The following LDB2 variants were observed in gnomAD, a reference collection of about 807,000 sequenced individuals.
The protein encoded by LDB2 is LIM domain binding 2, also known as LIM domain-binding protein 2.
LDB2 carries 12 observed loss-of-function variants against 44.3 expected under a neutral mutation model. The observed-to-expected ratio is 0.27, with a 90% CI of 0.17 to 0.44. LDB2 has a LOEUF of 0.44. Ranked by LOEUF, LDB2 falls within the 20% of genes least tolerant of loss-of-function variation. The pLI, the probability that LDB2 is intolerant of heterozygous loss-of-function variation, is 1.00. For missense variants in LDB2, 344 were observed against 473.5 expected (o/e 0.73, Z 2.54); for synonymous variants, 164 against 174.8 (o/e 0.94, Z 0.49).
chr4:16,800,965 G>A (rs764060493), intron 1 of LDB2, among the ~76,000 whole-genome samples: 5 of 152,180 alleles, frequency 3.3e-5, no homozygotes, highest in Non-Finnish European at 5.9e-5. Context: ...GTGAGCCACC[G>A]CGCCCGGCCG....
At chr4:16,817,567 C>A (rs535595229) in intron 1 of LDB2, among the ~76,000 whole-genome samples, 1 of 152,272 alleles carries the variant, frequency 6.6e-6, no homozygotes, top group African/African-American at 2.4e-5. Flanking sequence ...CAGTAAAACC[C>A]AATCCTCTGA....
chr4:16,662,285 C>G (rs547089563), intron 2 of LDB2, among the ~76,000 whole-genome samples: 1 of 152,042 alleles, frequency 6.6e-6, no homozygotes, highest in Non-Finnish European at 1.5e-5. Flanking sequence ...TTGCTCCAAA[C>G]CCAACACAGA....
intron 2 of LDB2, among the ~76,000 whole-genome samples, chr4:16,618,000 TTC>T (rs1461835696): frequency 6.6e-6 from 1 of 152,012 alleles, no homozygotes. Flanking sequence ...GGATAATTCT[TTC>T]TTTTTTTGAG....
Position 16,853,981 on chromosome 4 carries a change from G to A in LDB2, c.132+44373C>T, listed in dbSNP as rs371012151. On this transcript the variant is annotated intron_variant, in intron 1 of 7. Coordinates refer to ENST00000304523, the MANE Select transcript of LDB2 (RefSeq NM_001290.5). Reference sequence around the variant, plus strand: ...AACAGTAGTTACCAGGGATAGCAGGGGGTGAGCGGGGAGGAAATGGGAAGA... The same window carrying A: ...AACAGTAGTTACCAGGGATAGCAGGAGGTGAGCGGGGAGGAAATGGGAAGA... Among the ~76,000 whole-genome samples, 10 of 152,164 alleles carry A rather than the reference G, an allele frequency of 6.6e-5. No homozygotes were observed. The East Asian group carries it at 1.7e-3, about 26-fold the overall frequency.
intron 5 of LDB2, among the ~76,000 whole-genome samples, chr4:16,550,913 C>G (rs1185576896): frequency 2.6e-5 from 4 of 152,080 alleles, no homozygotes; most frequent in African/African-American, 7.2e-5. Flanking sequence ...TAATACAACT[C>G]CTTGCTGTAC....
chr4:16,516,507 T>C (rs898949358), intron 5 of LDB2, among the ~76,000 whole-genome samples: 2 of 152,188 alleles, frequency 1.3e-5, no homozygotes, highest in African/African-American at 4.8e-5. Flanking sequence ...TTAAAAATGC[T>C]TTAAGTATAT....
chr4:16,762,059 G>A (rs779034182), intron 1 of LDB2, among the ~76,000 whole-genome samples: 1 of 152,130 alleles, frequency 6.6e-6, no homozygotes, highest in Admixed American at 6.6e-5. Context: ...AGCCAGGCGT[G>A]GTGGTGGGCA....
At chr4:16,889,641 T>G (rs1472393841) in intron 1 of LDB2, among the ~76,000 whole-genome samples, 1 of 152,188 alleles carries the variant, frequency 6.6e-6, no homozygotes, top group East Asian at 1.9e-4. Flanking sequence ...CTGGAACAAC[T>G]TAATTTTCTT....
chr4:16,803,051 G>A (rs1290115023), intron 1 of LDB2, among the ~76,000 whole-genome samples: 3 of 152,156 alleles, frequency 2.0e-5, no homozygotes, highest in Non-Finnish European at 4.4e-5. Flanking sequence ...TACAGAGTTG[G>A]CATAATAGGG....
At chr4:16,833,724 G>A (rs959965111) in intron 1 of LDB2, among the ~76,000 whole-genome samples, 2 of 152,206 alleles carry the variant, frequency 1.3e-5, no homozygotes, top group East Asian at 3.9e-4. Context: ...TGTATTTTTA[G>A]TAGAGATGGG....
chr4:16,717,411 CT>C (rs1456334478), intron 2 of LDB2, among the ~76,000 whole-genome samples: 5 of 152,022 alleles, frequency 3.3e-5, no homozygotes, highest in Admixed American at 2.6e-4. Context: ...ATCATACCCC[CT>C]CCTGCATTTT....
chr4:16,813,600 A>C (rs1780318621), intron 1 of LDB2, among the ~76,000 whole-genome samples: 1 of 152,174 alleles, frequency 6.6e-6, no homozygotes, highest in Admixed American at 6.5e-5. Flanking sequence ...TTTCATTTAC[A>C]AAACACTCTT....
intron 2 of LDB2, among the ~76,000 whole-genome samples, chr4:16,675,761 T>C (rs755065333): frequency 7.2e-5 from 11 of 152,362 alleles, no homozygotes; most frequent in African/African-American, 2.2e-4. Flanking sequence ...TTAGCTTTAA[T>C]GATCTATCAA....
intron 2 of LDB2, among the ~76,000 whole-genome samples, chr4:16,735,197 A>G (rs1336452973): frequency 2.0e-5 from 3 of 152,156 alleles, no homozygotes; most frequent in Non-Finnish European, 4.4e-5. Flanking sequence ...CGCATTTCAC[A>G]TCAGTCTCCC....
intron 1 of LDB2, among the ~76,000 whole-genome samples, chr4:16,875,467 G>C (rs906675259): frequency 3.3e-5 from 5 of 151,786 alleles, no homozygotes; most frequent in African/African-American, 1.2e-4. Context: ...TCATGGAGAA[G>C]AAAAAAGAAA....
intron 2 of LDB2, chr4:16,653,958 C>T (rs934854619): frequency 3.3e-5 from 5 of 152,132 alleles, no homozygotes; most frequent in African/African-American, 1.2e-4. Flanking sequence ...TTCTAAACCT[C>T]ACATTAAAAA....
In LDB2 at chr4:16,561,297, G is replaced by A. The variant is rs192983875; in HGVS notation, c.615+24625C>T. On this transcript the variant is annotated intron_variant, in intron 5 of 7. Coordinates refer to ENST00000304523, the MANE Select transcript of LDB2 (RefSeq NM_001290.5). ...CAAATTGTCCCTGTTTGCAGATGAC[G>A]TGATTGTATATCTAGAAAACCCCAT... Among the ~76,000 whole-genome samples, 774 of 152,216 alleles carry A rather than the reference G, an allele frequency of 5.1e-3. 5 individuals carry two copies. The highest frequency in any genetic ancestry group is 6.2e-3 in the Non-Finnish European group (425 of 68,010).
At chr4:16,610,259 A>G (rs937450713) in intron 2 of LDB2, among the ~76,000 whole-genome samples, 2 of 152,146 alleles carry the variant, frequency 1.3e-5, no homozygotes, top group Admixed American at 6.5e-5. Context: ...ATGAGAAAGT[A>G]TCAGTGAAAA....
chr4:16,672,702 T>C (rs1390027978), intron 2 of LDB2, among the ~76,000 whole-genome samples: 2 of 151,220 alleles, frequency 1.3e-5, no homozygotes, highest in African/African-American at 4.9e-5. Flanking sequence ...GATCTCTAAT[T>C]AAACACAGTG....
Sources: gnomAD v4.1 joint callset for allele counts (sites outside exome capture counted in the v4.1 genomes callset) on GRCh38, gnomAD v4.1.1 for gene constraint, MANE v1.5 for transcripts, NCBI Gene and HGNC (gene_info 2026-07-23, HGNC 2026-07-21) for gene names.